ANKFN1: variants seen among roughly 807,000 people sequenced by gnomAD.
The protein encoded by ANKFN1 is ankyrin repeat and fibronectin type-III domain-containing protein 1.
ANKFN1 carries 74 observed loss-of-function variants against 108.7 expected under a neutral mutation model. The ratio of observed to expected loss-of-function variants is 0.68; its 90% CI spans 0.56 to 0.83. ANKFN1 has a LOEUF of 0.83. Ranked by LOEUF, ANKFN1 falls within the 40% of genes least tolerant of loss-of-function variation. The probability of loss-of-function intolerance (pLI) is 0.00; values close to 1 mark genes in which losing one functional copy is unlikely to be tolerated. For missense variants in ANKFN1, 1,505 were observed against 1,382.3 expected (o/e 1.09, Z -1.41); for synonymous variants, 547 against 516.2 (o/e 1.06, Z -0.81).
intron 8 of ANKFN1, among the ~76,000 whole-genome samples, chr17:56,389,496 G>C (rs937012342): frequency 2.6e-5 from 4 of 152,190 alleles, no homozygotes; most frequent in Non-Finnish European, 5.9e-5. Context: ...GGATAGGTAG[G>C]CATGTGTGTT....
At chr17:56,120,003 C>A (rs1175339987) in intron 4 of ANKFN1, among the ~76,000 whole-genome samples, 1 of 152,126 alleles carries the variant, frequency 6.6e-6, no homozygotes, top group Non-Finnish European at 1.5e-5. Context: ...TCGTTGCTGG[C>A]AGGGATGTTG....
At chr17:56,088,283 A>T (rs1598092193) in intron 4 of ANKFN1, among the ~76,000 whole-genome samples, 1 of 151,364 alleles carries the variant, frequency 6.6e-6, no homozygotes, top group East Asian at 1.9e-4. Context: ...TTTTCTACTC[A>T]TGAAACAATT....
At chr17:56,434,489 T>G (rs2048868827) in intron 8 of ANKFN1, among the ~76,000 whole-genome samples, 1 of 152,132 alleles carries the variant, frequency 6.6e-6, no homozygotes, top group Non-Finnish European at 1.5e-5. Context: ...AAAAAAAATG[T>G]TTTTCTAATT....
At chr17:56,267,299 T>G (rs1302665639) in intron 3 of ANKFN1, among the ~76,000 whole-genome samples, 1 of 152,218 alleles carries the variant, frequency 6.6e-6, no homozygotes, top group Non-Finnish European at 1.5e-5. Context: ...TTGTTAATTT[T>G]TTAAATGTCC....
At chr17:56,157,522 T>G (rs1341832305) in intron 1 of ANKFN1, among the ~76,000 whole-genome samples, 1 of 152,202 alleles carries the variant, frequency 6.6e-6, no homozygotes. Flanking sequence ...ATCTTCCTGG[T>G]GACTCCTCCT....
At chr17:56,347,855 G>A (rs994572212) in intron 4 of ANKFN1, among the ~76,000 whole-genome samples, 8 of 152,018 alleles carry the variant, frequency 5.3e-5, no homozygotes, top group Non-Finnish European at 1.2e-4. Context: ...ATGTGGGTAG[G>A]TGTCATCAGT....
intron 4 of ANKFN1, among the ~76,000 whole-genome samples, chr17:56,132,416 C>T (rs1183397547): frequency 1.3e-5 from 2 of 151,990 alleles, no homozygotes; most frequent in Admixed American, 6.6e-5. Context: ...AATGTGAAGG[C>T]CCCACTGTAA....
chr17:56,509,549 T>G (rs2051675395), intron 20 of ANKFN1, among the ~76,000 whole-genome samples: 1 of 152,250 alleles, frequency 6.6e-6, no homozygotes, highest in African/African-American at 2.4e-5. Flanking sequence ...CATGCTTAGC[T>G]GCAGGGGAAG....
chr17:56,392,395 G>T lies in ANKFN1; in HGVS notation c.910+17681G>T, dbSNP rs150366028. Among the ~76,000 whole-genome samples the T allele has an allele frequency of 4.1e-4, 62 of 152,278 alleles. 1 individual carries two copies. Among genetic ancestry groups the T allele is most frequent in the Non-Finnish European group, 6.5e-4 (44 of 68,024 alleles). On this transcript the variant is annotated intron_variant, in intron 8 of 20. Transcript: ENST00000682825. ...TTCACGATGGCAAGCCAGTCATTTA[G>T]CCCCATCTCCCATCTTCTGCTCTAC...
intron 3 of ANKFN1, among the ~76,000 whole-genome samples, chr17:56,280,902 G>A (rs985937612): frequency 5.9e-5 from 9 of 152,136 alleles, no homozygotes; most frequent in African/African-American, 2.2e-4. Flanking sequence ...CATGGGGGTA[G>A]GTCTTTCTCA....
At chr17:56,372,063 G>A (rs900680054) in intron 6 of ANKFN1, among the ~76,000 whole-genome samples, 2 of 152,126 alleles carry the variant, frequency 1.3e-5, no homozygotes, top group African/African-American at 2.4e-5. Context: ...CAGCAGTAGC[G>A]GAACTCTTTG....
At chr17:56,406,053 G>A (rs1431916222) in intron 8 of ANKFN1, among the ~76,000 whole-genome samples, 1 of 152,042 alleles carries the variant, frequency 6.6e-6, no homozygotes, top group Non-Finnish European at 1.5e-5. Flanking sequence ...TAAAAATAAA[G>A]TTAATGAGAT....
chr17:56,159,033 C>CAAAAAAAAAAAAAAAAAAAAAAAAA (rs57878541), intron 1 of ANKFN1, among the ~76,000 whole-genome samples: 1 of 71,014 alleles, frequency 1.4e-5, no homozygotes, highest in African/African-American at 5.4e-5. Flanking sequence ...TGGTCTAGGC[C>CAAAAAAAAAAAAAAAAAAAAAAAAA]AAAAAAAAAA....
intron 4 of ANKFN1, among the ~76,000 whole-genome samples, chr17:56,124,205 A>C (rs1349699687): frequency 6.6e-6 from 1 of 152,174 alleles, no homozygotes; most frequent in Non-Finnish European, 1.5e-5. Flanking sequence ...TGGTCTGTGA[A>C]CCACACTCTA....
At chr17:56,471,631 A>G (rs1359856454) in intron 15 of ANKFN1, 1 of 152,256 alleles carries the variant, frequency 6.6e-6, no homozygotes, top group Non-Finnish European at 1.5e-5. Flanking sequence ...AAACAGTAGA[A>G]GTAAACTAGA....
intron 15 of ANKFN1, among the ~76,000 whole-genome samples, chr17:56,467,838 GAAA>G: frequency 1.6e-5 from 1 of 63,572 alleles, no homozygotes; most frequent in Non-Finnish European, 3.0e-5. Context: ...AAGAAAGAAA[GAAA>G]GAAAGAAAGA....
intron 4 of ANKFN1, among the ~76,000 whole-genome samples, chr17:56,142,161 C>T (rs1054486254): frequency 3.3e-5 from 5 of 152,028 alleles, no homozygotes; most frequent in Admixed American, 3.3e-4. Context: ...GATCTCTTGA[C>T]CTCATGATCT....
intron 4 of ANKFN1, among the ~76,000 whole-genome samples, chr17:56,050,568 T>C (rs1904757474): frequency 6.7e-6 from 1 of 149,822 alleles, no homozygotes; most frequent in Non-Finnish European, 1.5e-5. Context: ...TTGATTTTTG[T>C]ATAAGGTGTA....
In ANKFN1 at chr17:56,511,193, G is replaced by T. The variant is rs2051757128; in HGVS notation, c.3365G>T (p.Ser1122Ile). ...TCTGGAGGCCGCATCACCCTGCCCAGCCCCACTGGCCCCGATGTGAGTCAG... is the reference window on the plus strand; with the variant it reads ...TCTGGAGGCCGCATCACCCTGCCCATCCCCACTGGCCCCGATGTGAGTCAG... ...PPSGGRITLP[S>I]PTGPDVSQEG... Residue 1122 changes from serine (S) to isoleucine (I), a missense_variant, in exon 21 of 21, where the codon AGC (serine) becomes ATC (isoleucine). Transcript: ENST00000682825. 4.6e-6 allele frequency: 7 copies of T among 1,535,790 alleles called. No homozygotes were observed. The highest frequency in any genetic ancestry group is 6.1e-6 in the Non-Finnish European group (7 of 1,146,758).
Sources: allele counts gnomAD v4.1 joint callset (sites outside exome capture counted in the v4.1 genomes callset), GRCh38; gene constraint gnomAD v4.1.1; transcripts MANE v1.5; gene names NCBI Gene and HGNC (gene_info 2026-07-23, HGNC 2026-07-21).